The following CDC42BPA variants were observed in gnomAD, a reference collection of about 807,000 sequenced individuals.
CDC42BPA encodes serine/threonine-protein kinase MRCK alpha.
In CDC42BPA, 80 loss-of-function variants were observed where a neutral mutation model predicts 223.5. The ratio of observed to expected loss-of-function variants is 0.36; its 90% CI spans 0.30 to 0.43. CDC42BPA has a LOEUF of 0.43. Ranked by LOEUF, CDC42BPA falls within the 20% of genes least tolerant of loss-of-function variation. The pLI, the probability that CDC42BPA is intolerant of heterozygous loss-of-function variation, is 1.00. For missense variants in CDC42BPA, 1,743 were observed against 2,099.9 expected (o/e 0.83, Z 3.32); for synonymous variants, 694 against 718.6 (o/e 0.97, Z 0.55).
At chr1:227,015,572 C>T (rs556952270) in intron 34 of CDC42BPA, among the ~76,000 whole-genome samples, 5 of 152,176 alleles carry the variant, frequency 3.3e-5, no homozygotes, top group Middle Eastern at 3.4e-3. Flanking sequence ...TACTTTTTCA[C>T]GTACAACTGA....
intron 23 of CDC42BPA, among the ~76,000 whole-genome samples, chr1:227,044,351 A>C (rs1399502011): frequency 6.6e-6 from 1 of 152,202 alleles, no homozygotes; most frequent in Non-Finnish European, 1.5e-5. Context: ...AAAGCCCACG[A>C]ATATTTTCAC....
chr1:227,287,554 C>T (rs1321392097), intron 1 of CDC42BPA, among the ~76,000 whole-genome samples: 1 of 152,130 alleles, frequency 6.6e-6, no homozygotes, highest in East Asian at 1.9e-4. Flanking sequence ...TTTTAGAATT[C>T]AATGGAAAGC....
At chr1:227,028,531 G>A in intron 30 of CDC42BPA, 126 bp downstream of exon 30, 1 of 641,330 alleles carries the variant, frequency 1.6e-6, no homozygotes, top group South Asian at 2.5e-5. Context: ...CAATACTGAG[G>A]AAAAGCATTA....
chr1:227,288,954 A>T (rs925270080), intron 1 of CDC42BPA, among the ~76,000 whole-genome samples: 1 of 152,178 alleles, frequency 6.6e-6, no homozygotes, highest in Non-Finnish European at 1.5e-5. Flanking sequence ...AGATCATGTC[A>T]TTGTACTCCA....
intron 31 of CDC42BPA, among the ~76,000 whole-genome samples, chr1:227,023,657 A>G (rs1471017940): frequency 6.6e-6 from 1 of 152,212 alleles, no homozygotes; most frequent in Non-Finnish European, 1.5e-5. Context: ...CTAAGCAGAT[A>G]TCAACACAGC....
chr1:227,096,311 T>A (rs1683988865), intron 15 of CDC42BPA, among the ~76,000 whole-genome samples: 1 of 152,216 alleles, frequency 6.6e-6, no homozygotes, highest in African/African-American at 2.4e-5. Context: ...AAAATTTTCA[T>A]GTAAAACCAT....
At chr1:227,246,638 A>G (rs992555954) in intron 2 of CDC42BPA, among the ~76,000 whole-genome samples, 6 of 152,236 alleles carry the variant, frequency 3.9e-5, no homozygotes, top group South Asian at 2.1e-4. Context: ...CAATACCTAT[A>G]TAAGACTGCA....
chr1:227,089,627 GTTTTTTTTTTTT>G (rs72110440), intron 16 of CDC42BPA, among the ~76,000 whole-genome samples: 3 of 116,718 alleles, frequency 2.6e-5, no homozygotes, highest in East Asian at 2.5e-4. Flanking sequence ...GGGTAATTCC[GTTTTTTTTTTTT>G]TTTTTTTTTT....
At position 227,313,502 on chromosome 1, in the gene CDC42BPA, C is replaced by T. The variant is rs188401038; in HGVS notation, c.178+3503G>A. Reference sequence around the variant, plus strand: ...TAATTGTAATTACTCATTATCATTCCTAGAATAGAATATTAGGTGGCTAGT... The same window carrying T: ...TAATTGTAATTACTCATTATCATTCTTAGAATAGAATATTAGGTGGCTAGT... On this transcript the variant is annotated intron_variant, in intron 1 of 36. Coordinates refer to ENST00000366766, the MANE Select transcript of CDC42BPA (RefSeq NM_001394014.1). 6.0e-3 allele frequency among the ~76,000 whole-genome samples: 912 copies of T among 152,138 alleles called. 10 individuals carry two copies. The highest frequency in any genetic ancestry group is 0.021 in the African/African-American group (859 of 41,522).
intron 1 of CDC42BPA, among the ~76,000 whole-genome samples, chr1:227,302,466 T>C (rs557174954): frequency 3.9e-5 from 6 of 152,282 alleles, no homozygotes; most frequent in African/African-American, 1.2e-4. Context: ...GCTTCTAGAG[T>C]TGCTGCTGAA....
At chr1:227,292,367 CTAAA>C (rs1689847233) in intron 1 of CDC42BPA, among the ~76,000 whole-genome samples, 2 of 152,158 alleles carry the variant, frequency 1.3e-5, no homozygotes, top group South Asian at 4.1e-4. Context: ...CCACATTTCA[CTAAA>C]TATTTACCTC....
chr1:227,304,756 A>G (rs772933701), intron 1 of CDC42BPA, among the ~76,000 whole-genome samples: 21 of 152,222 alleles, frequency 1.4e-4, no homozygotes, highest in Non-Finnish European at 2.5e-4. Context: ...AAAGAGTCAA[A>G]TTCATTTATA....
chr1:227,199,911 C>T (rs1378644292), intron 3 of CDC42BPA, among the ~76,000 whole-genome samples: 1 of 152,026 alleles, frequency 6.6e-6, no homozygotes, highest in South Asian at 2.1e-4. Context: ...AATTTAAGAA[C>T]CATGGACCAA....
At position 227,177,135 on chromosome 1, in the gene CDC42BPA, A is replaced by AT. The variant is rs199824304; in HGVS notation, c.600-16500_600-16499insA. ...ATATTTTAAAGATGTAAGAAAAAAAAAATATATATATATACAGTATTTCAT... is the reference window on the plus strand; with the variant it reads ...ATATTTTAAAGATGTAAGAAAAAAAATAATATATATATATACAGTATTTCAT... On this transcript the variant is annotated intron_variant, in intron 5 of 36. Transcript: ENST00000366766. 4.8e-3 allele frequency among the ~76,000 whole-genome samples: 236 copies of AT among 49,018 alleles called. 1 individual carries two copies. Among genetic ancestry groups the AT allele is most frequent in the Middle Eastern group, 0.028 (3 of 106 alleles). 32.2% of individuals were successfully genotyped at this position (49,018 alleles called of 152,430 possible).
intron 1 of CDC42BPA, among the ~76,000 whole-genome samples, chr1:227,300,343 AC>A (rs1322022709): frequency 6.6e-6 from 1 of 152,194 alleles, no homozygotes; most frequent in African/African-American, 2.4e-5. Context: ...ATAAGTCATT[AC>A]ATCAAAAACA....
Position 227,288,453 on chromosome 1 carries a change from C to T in CDC42BPA, c.178+28552G>A, listed in dbSNP as rs546455565. ...GTGGCTCATGCCTGTAAACCTAGAACTTTGGGAGGCCAAGGCAAGTGGATT... is the reference window on the plus strand; with the variant it reads ...GTGGCTCATGCCTGTAAACCTAGAATTTTGGGAGGCCAAGGCAAGTGGATT... On this transcript the variant is annotated intron_variant, in intron 1 of 36. Transcript: ENST00000366766. Among the ~76,000 whole-genome samples, 36 of 152,204 alleles carry T rather than the reference C, an allele frequency of 2.4e-4. 1 individual carries two copies. The highest frequency in any genetic ancestry group is 3.4e-4 in the Non-Finnish European group (23 of 68,012).
At chr1:227,284,366 G>T (rs1688485517) in intron 1 of CDC42BPA, among the ~76,000 whole-genome samples, 1 of 152,052 alleles carries the variant, frequency 6.6e-6, no homozygotes, top group Admixed American at 6.6e-5. Flanking sequence ...AACTACTTTG[G>T]AATTTGGAAT....
intron 5 of CDC42BPA, among the ~76,000 whole-genome samples, chr1:227,187,689 C>T (rs28886284): frequency 1.8e-5 from 1 of 56,184 alleles, no homozygotes; most frequent in Non-Finnish European, 3.3e-5. Context: ...ACCCCCCCCC[C>T]AAAAAAAAAA....
intron 5 of CDC42BPA, among the ~76,000 whole-genome samples, chr1:227,187,739 A>G (rs1558709219): frequency 1.4e-5 from 2 of 147,020 alleles, no homozygotes; most frequent in African/African-American, 5.0e-5. Flanking sequence ...TACAGAATAT[A>G]AAAAAATAAA....
Sources: gnomAD v4.1 joint callset for allele counts (sites outside exome capture counted in the v4.1 genomes callset) on GRCh38, gnomAD v4.1.1 for gene constraint, MANE v1.5 for transcripts, NCBI Gene and HGNC (gene_info 2026-07-23, HGNC 2026-07-21) for gene names.